The following FAM13B variants were observed in gnomAD, a reference collection of about 807,000 sequenced individuals.
FAM13B encodes family with sequence similarity 13 member B, also known as protein FAM13B.
A neutral mutation model predicts 117.3 loss-of-function variants in FAM13B; 60 were observed. The observed-to-expected ratio is 0.51, with a 90% CI of 0.42 to 0.63. The LOEUF is 0.63. Among genes scored for constraint, FAM13B ranks in the 30% least tolerant of loss-of-function variants. The pLI is 0.00. For missense variants in FAM13B, 972 were observed against 1,091.9 expected (o/e 0.89, Z 1.55); for synonymous variants, 332 against 356.1 (o/e 0.93, Z 0.76).
intron 6 of FAM13B, 66 bp downstream of exon 6, chr5:138,010,942 A>C (rs1346492339): frequency 1.2e-5 from 16 of 1,350,514 alleles, no homozygotes; most frequent in Non-Finnish European, 1.4e-5. Flanking sequence ...CAAGTCTTTA[A>C]GAGCATATTA....
chr5:137,962,797 T>G (rs1712479057), intron 10 of FAM13B, among the ~76,000 whole-genome samples: 1 of 151,966 alleles, frequency 6.6e-6, no homozygotes, highest in African/African-American at 2.4e-5. Context: ...TTGCTTTATT[T>G]CTCCTCAGCT....
intron 7 of FAM13B, among the ~76,000 whole-genome samples, chr5:138,004,561 T>C (rs1392948254): frequency 6.6e-6 from 1 of 152,194 alleles, no homozygotes; most frequent in Non-Finnish European, 1.5e-5. Flanking sequence ...GAAATGTAGG[T>C]GGCACAAATA....
At chr5:137,970,141 A>T (rs953457859) in intron 10 of FAM13B, among the ~76,000 whole-genome samples, 8 of 152,030 alleles carry the variant, frequency 5.3e-5, no homozygotes, top group East Asian at 1.9e-4. Flanking sequence ...GAAGAGCAAC[A>T]CCAAGACACA....
At position 138,018,377 on chromosome 5, in the gene FAM13B, T is replaced by G. The variant is rs1221087255; in HGVS notation, c.295A>C (p.Arg99=). Residue 99 remains arginine (R), a synonymous_variant, in exon 4 of 24, where the codon AGA becomes CGA. Coordinates refer to ENST00000689681, the MANE Select transcript of FAM13B (RefSeq NM_001385994.1). The stretch of plus-strand genomic sequence containing the variant: ...TCAGGAAGTTCTTGAAGAAAAAATC[T>G]AAGAAGGCTAATAGCTGAGGGAACA... ...ADVPSAISLL[R]FFLQELPEPV... 1 of 1,614,176 alleles carries G rather than the reference T, an allele frequency of 6.2e-7. No individual in the cohort carries two copies. The highest frequency in any genetic ancestry group is 8.5e-7 in the Non-Finnish European group (1 of 1,180,022).
intron 4 of FAM13B, among the ~76,000 whole-genome samples, chr5:138,012,854 C>T (rs1784383396): frequency 6.6e-6 from 1 of 151,844 alleles, no homozygotes. Context: ...TGCAAAATAA[C>T]ACTAGTCTAA....
At chr5:137,985,235 A>C in intron 10 of FAM13B, 22 bp downstream of exon 10, 3 of 1,609,854 alleles carry the variant, frequency 1.9e-6, no homozygotes, top group Non-Finnish European at 2.5e-6. Context: ...TACATCTAAC[A>C]CATATTTTTG....
rs1767614194 is a variant in FAM13B, at chr5:137,959,761, A to G, written c.1296T>C (p.Asp432=). 6.2e-7 allele frequency: 1 copy of G among 1,613,264 alleles called. No individual in the cohort carries two copies. Among genetic ancestry groups the G allele is most frequent in the Admixed American group, 1.7e-5 (1 of 59,942 alleles). ...TCAAATCACATATCTTGCTACTAGA[A>G]TCCTGTATTTTAAAATAAAGAATAT... ...DSDKLSHLIL[D]SSSKICDLNA... is the part of the protein sequence containing the mutation. The change falls in exon 13 of 24, where the codon GAT becomes GAC. Residue 432 remains aspartate (D), a splice_region_variant and synonymous_variant. Coordinates refer to ENST00000689681, the MANE Select transcript of FAM13B (RefSeq NM_001385994.1).
chr5:138,018,616 G>A (rs1421311924), intron 3 of FAM13B, 102 bp from the exon 4 acceptor site: 9 of 1,051,648 alleles, frequency 8.6e-6, no homozygotes, highest in Non-Finnish European at 1.3e-5. Flanking sequence ...CTTTTGGAAA[G>A]CCTTTCTTGG....
At chr5:137,969,028 G>A (rs2150372519) in intron 10 of FAM13B, among the ~76,000 whole-genome samples, 1 of 152,302 alleles carries the variant, frequency 6.6e-6, no homozygotes, top group Admixed American at 6.5e-5. Context: ...CAGCGAGGCT[G>A]GGGGAAGGGT....
intron 2 of FAM13B, 107 bp from the exon 3 acceptor site, chr5:138,019,253 T>G (rs780262262): frequency 5.2e-6 from 5 of 968,302 alleles, no homozygotes; most frequent in Non-Finnish European, 6.0e-6. Context: ...TCTCATCTAT[T>G]TAAATGTTCC....
chr5:137,999,334 T>C (rs1250393245), intron 7 of FAM13B, among the ~76,000 whole-genome samples: 1 of 152,002 alleles, frequency 6.6e-6, no homozygotes, highest in African/African-American at 2.4e-5. Flanking sequence ...CCCCAGCACT[T>C]TGGGAGGCTG....
Position 137,949,114 on chromosome 5 carries a change from T to C in FAM13B, c.2001A>G (p.Lys667=). 6.2e-7 allele frequency: 1 copy of C among 1,614,150 alleles called. No individual in the cohort carries two copies. Among genetic ancestry groups the C allele is most frequent in the South Asian group, 1.1e-5 (1 of 91,080 alleles). Residue 667 remains lysine (K), a synonymous_variant, in exon 18 of 24, where the codon AAA becomes AAG. Coordinates refer to ENST00000689681, the MANE Select transcript of FAM13B (RefSeq NM_001385994.1). The stretch of plus-strand genomic sequence containing the variant: ...CATGGTCTAGAGAAGAGCCAAAGCT[T>C]TTTGGAAGTGTGTTACTACGTGGAC... ...QTRPRSNTLP[K]SFGSSLDHED...
intron 1 of FAM13B, among the ~76,000 whole-genome samples, chr5:138,027,018 C>G (rs1788611736): frequency 1.3e-5 from 2 of 151,046 alleles, no homozygotes; most frequent in Admixed American, 6.6e-5. Context: ...ACCTGTAGTC[C>G]CAGCTACTCA....
At chr5:137,979,879 C>T (rs1465783893) in intron 10 of FAM13B, among the ~76,000 whole-genome samples, 3 of 151,668 alleles carry the variant, frequency 2.0e-5, no homozygotes, top group Non-Finnish European at 2.9e-5. Flanking sequence ...AAACTTAAAT[C>T]GACCAGGCAC....
At chr5:138,051,707 A>C (rs1791805352) in intron 1 of FAM13B, among the ~76,000 whole-genome samples, 1 of 152,308 alleles carries the variant, frequency 6.6e-6, no homozygotes. Context: ...TTTTAAGTAA[A>C]TTATTTCTTA....
At chr5:137,986,900 G>C (rs540206822) in intron 9 of FAM13B, among the ~76,000 whole-genome samples, 1 of 152,292 alleles carries the variant, frequency 6.6e-6, no homozygotes, top group Non-Finnish European at 1.5e-5. Context: ...TATCATGTCA[G>C]TGCTCAAAGT....
chr5:137,948,541 T>C (rs1029288517), intron 18 of FAM13B, among the ~76,000 whole-genome samples: 3 of 152,132 alleles, frequency 2.0e-5, no homozygotes, highest in African/African-American at 7.2e-5. Context: ...TACAGGTGCA[T>C]ACTACCACAT....
chr5:137,948,255 T>C (rs1170822633), intron 18 of FAM13B, among the ~76,000 whole-genome samples: 1 of 151,922 alleles, frequency 6.6e-6, no homozygotes, highest in Non-Finnish European at 1.5e-5. Context: ...CACGTCAATA[T>C]ACATTATAGG....
At chr5:137,950,338 A>G (rs1764606742) in intron 17 of FAM13B, among the ~76,000 whole-genome samples, 1 of 152,192 alleles carries the variant, frequency 6.6e-6, no homozygotes, top group Non-Finnish European at 1.5e-5. Context: ...ATTTAGTGGA[A>G]GGGCATCTGT....
Sources: allele counts gnomAD v4.1 joint callset (sites outside exome capture counted in the v4.1 genomes callset), GRCh38; gene constraint gnomAD v4.1.1; transcripts MANE v1.5; gene names NCBI Gene and HGNC (gene_info 2026-07-23, HGNC 2026-07-21).